KLK2: variants seen among roughly 807,000 people sequenced by gnomAD.
KLK2 encodes kallikrein related peptidase 2.
A neutral mutation model predicts 23.0 loss-of-function variants in KLK2; 17 were observed. The observed-to-expected ratio is 0.74, with a 90% CI of 0.51 to 1.11. KLK2 has a LOEUF of 1.11. Among genes scored for constraint, KLK2 ranks in the 50% least tolerant of loss-of-function variants. The pLI is 0.00. For missense variants in KLK2, 330 were observed against 325.9 expected (o/e 1.01, Z -0.10); for synonymous variants, 140 against 124.7 (o/e 1.12, Z -0.82).
At position 50,876,338 on chromosome 19, in the gene KLK2, A is replaced by AC. The variant is rs2090286448; in HGVS notation, c.207-133dup. On this transcript the variant is annotated intron_variant, in intron 2 of 4. Coordinates refer to ENST00000325321, the MANE Select transcript of KLK2 (RefSeq NM_005551.5). The stretch of plus-strand genomic sequence containing the variant: ...AACTCACTGTCTGTATTTCACCACG[A>AC]CTATATCTCCCCGACCCCTGTGCTT... 9.6e-6 allele frequency: 7 copies of AC among 730,538 alleles called. No individual in the cohort carries two copies. In the South Asian group the frequency reaches 1.3e-4, roughly 14 times the overall value. The allele number at this position is 730,538 out of a possible 1,614,324, so 45.3% of individuals were successfully genotyped here. A position where few individuals can be genotyped will look rare whatever the true frequency, so the allele number is the denominator to read the frequency against.
intron 2 of KLK2, chr19:50,875,084 C>T (rs750130165): frequency 2.7e-5 from 27 of 985,720 alleles, no homozygotes; most frequent in South Asian, 6.8e-5. Flanking sequence ...TGTCTGATCT[C>T]GCTGTGTCTC....
rs552033195 is a variant in KLK2, at chr19:50,879,603, G to T, written c.*1044G>T. On this transcript the variant is annotated 3_prime_UTR_variant, in exon 5 of 5. Coordinates refer to ENST00000325321, the MANE Select transcript of KLK2 (RefSeq NM_005551.5). ...GCTCACCTGATCCTTAGTGTCCAGG[G>T]TTTTTACTGGGGGTCTGTAGGACGA... 8.7e-6 allele frequency: 2 copies of T among 230,604 alleles called. No homozygotes were observed. The highest frequency in any genetic ancestry group is 3.6e-4 in the South Asian group (2 of 5,508). The allele number at this position is 230,604 out of a possible 1,614,324, so 14.3% of individuals were successfully genotyped here.
Position 50,874,837 on chromosome 19 carries a change from G to C in KLK2, c.163G>C (p.Val55Leu), listed in dbSNP as rs768545374. 10 of 1,613,660 alleles carry C rather than the reference G, an allele frequency of 6.2e-6. No homozygotes were observed. Among genetic ancestry groups the C allele is most frequent in the South Asian group, 1.1e-5 (1 of 90,962 alleles). Reference sequence around the variant, plus strand: ...ATGGGCACACTGTGGGGGTGTCCTGGTGCACCCCCAGTGGGTGCTCACAGC... The same window carrying C: ...ATGGGCACACTGTGGGGGTGTCCTGCTGCACCCCCAGTGGGTGCTCACAGC... ...HGWAHCGGVL[V>L]HPQWVLTAAH... Residue 55 changes from valine (V) to leucine (L), a missense_variant, in exon 2 of 5, where the codon GTG becomes CTG. By Grantham distance (32) the Val-to-Leu change is conservative. Transcript: ENST00000325321.
At chr19:50,875,206 C>T (rs1310090382) in intron 2 of KLK2, among the ~76,000 whole-genome samples, 2 of 152,148 alleles carry the variant, frequency 1.3e-5, no homozygotes, top group Non-Finnish European at 2.9e-5. Flanking sequence ...CTGGGTCTCT[C>T]TGTGGCCATC....
chr19:50,874,692 A>G, intron 1 of KLK2, 29 bp from the exon 2 acceptor site: 1 of 1,586,892 alleles, frequency 6.3e-7, no homozygotes, highest in Non-Finnish European at 8.6e-7. Flanking sequence ...TTTGGGTCTG[A>G]TCCCCCTGAC....
chr19:50,876,151 A>C, intron 2 of KLK2: 1 of 357,796 alleles, frequency 2.8e-6, no homozygotes, highest in Non-Finnish European at 5.1e-6. Flanking sequence ...CCTCTTCCCC[A>C]TGTCTATTTC....
chr19:50,875,013 G>A lies in KLK2; in HGVS notation c.206+133G>A, dbSNP rs184938826. ...GAGAGGGAAGGTCCTGGCCCAGGTC[G>A]CACCCGGAGGCAGAGCTGGGGCTGG... On this transcript the variant is annotated intron_variant, in intron 2 of 4. Transcript: ENST00000325321. 3.6e-4 allele frequency: 500 copies of A among 1,398,568 alleles called. 1 individual carries two copies. Among genetic ancestry groups the A allele is most frequent in the African/African-American group, 3.3e-3 (229 of 68,490 alleles). 86.6% of individuals were successfully genotyped at this position (1,398,568 alleles called of 1,614,324 possible). A position where few individuals can be genotyped will look rare whatever the true frequency, so the allele number is the denominator to read the frequency against.
chr19:50,876,404 T>G, intron 2 of KLK2, 68 bp from the exon 3 acceptor site: 1 of 1,431,374 alleles, frequency 7.0e-7, no homozygotes, highest in South Asian at 1.2e-5. Flanking sequence ...GTCTCCCTTA[T>G]CCTCCCCTGC....
Position 50,875,108 on chromosome 19 carries a change from C to T in KLK2, c.206+228C>T, listed in dbSNP as rs114524712. 2.1e-3 allele frequency: 1,522 copies of T among 714,554 alleles called. 12 individuals are homozygous for T. Among genetic ancestry groups the T allele is most frequent in the African/African-American group, 0.015 (832 of 54,984 alleles). The allele number at this position is 714,554 out of a possible 1,614,324, so 44.3% of individuals were successfully genotyped here. ...TCGCTGTGTCTCTTGGTATCTGGCT[C>T]TGGTTGTGTCTGTATGACTGTGTTT... On this transcript the variant is annotated intron_variant, in intron 2 of 4. Transcript: ENST00000325321.
At chr19:50,875,151 T>A in intron 2 of KLK2, 1 of 344,388 alleles carries the variant, frequency 2.9e-6, no homozygotes, top group South Asian at 7.3e-5. Context: ...TATGTCCCTC[T>A]CTCTTTTCTG....
Position 50,876,974 on chromosome 19 carries a change from C to T in KLK2, c.596C>T (p.Ala199Val). Residue 199 changes from alanine (A) to valine (V), a missense_variant, in exon 4 of 5, where the codon GCT becomes GTT. Ala to Val is a moderately conservative substitution (Grantham distance 64). Coordinates refer to ENST00000325321, the MANE Select transcript of KLK2 (RefSeq NM_005551.5). ...SEKVTEFMLCAGLWTGGKDTC... is the reference protein window; with the variant it reads ...SEKVTEFMLCVGLWTGGKDTC... ...AAGGTGACAGAGTTCATGTTGTGTGCTGGGCTCTGGACAGGTGGTAAAGAC... is the reference window on the plus strand; with the variant it reads ...AAGGTGACAGAGTTCATGTTGTGTGTTGGGCTCTGGACAGGTGGTAAAGAC... The T allele has an allele frequency of 6.2e-7, 1 of 1,614,144 alleles. No homozygotes were observed. Among genetic ancestry groups the T allele is most frequent in the African/African-American group, 1.3e-5 (1 of 75,054 alleles).
In KLK2 at chr19:50,875,046, T is replaced by C. The variant is rs544131094; in HGVS notation, c.206+166T>C. ...AGGCAGAGCTGGGGCTGGACCACTC[T>C]CCCCATGGCTGCCTGGGTTTCTCTC... is the stretch of plus-strand genomic sequence containing the variant. On this transcript the variant is annotated intron_variant, in intron 2 of 4. Coordinates refer to ENST00000325321, the MANE Select transcript of KLK2 (RefSeq NM_005551.5). 9 of 1,305,416 alleles carry C rather than the reference T, an allele frequency of 6.9e-6. No homozygotes were observed. The East Asian group carries it at 2.6e-4, about 37-fold the overall frequency. The allele number at this position is 1,305,416 out of a possible 1,614,324, so 80.9% of individuals were successfully genotyped here.
At chr19:50,876,440 TCTC>T in intron 2 of KLK2, 29 bp from the exon 3 acceptor site, 1 of 1,606,308 alleles carries the variant, frequency 6.2e-7, no homozygotes, top group Non-Finnish European at 8.5e-7. Flanking sequence ...CCATTTTCTC[TCTC>T]CTCATGCATC....
In KLK2 at chr19:50,880,275, G is replaced by A; in HGVS notation, c.*1716G>A. The A allele has an allele frequency of 4.3e-6, 1 of 230,124 alleles. No individual in the cohort carries two copies. The highest frequency in any genetic ancestry group is 8.6e-6 in the Non-Finnish European group (1 of 116,106). The allele number at this position is 230,124 out of a possible 1,614,324, so 14.3% of individuals were successfully genotyped here. Reference sequence around the variant, plus strand: ...CATGGGGGATGCGCTCGGGATTGGTGTGAAGAAGCAAGGACTGTTAGAGGC... The same window carrying A: ...CATGGGGGATGCGCTCGGGATTGGTATGAAGAAGCAAGGACTGTTAGAGGC... On this transcript the variant is annotated 3_prime_UTR_variant, in exon 5 of 5. Coordinates refer to ENST00000325321, the MANE Select transcript of KLK2 (RefSeq NM_005551.5).
At chr19:50,878,381 T>C (rs1390929375) in intron 4 of KLK2, 23 bp from the exon 5 acceptor site, 1 of 1,596,532 alleles carries the variant, frequency 6.3e-7, no homozygotes, top group South Asian at 1.1e-5. Flanking sequence ...TTTCTCACTG[T>C]GTCTCTCCTC....
At chr19:50,876,240 A>G in intron 2 of KLK2, 2 of 565,468 alleles carry the variant, frequency 3.5e-6, no homozygotes, top group East Asian at 2.9e-5. Flanking sequence ...CTGCCATTTT[A>G]TGCTCTCTCT....
intron 4 of KLK2, chr19:50,877,617 GGC>G (rs1393644709): frequency 1.3e-5 from 2 of 159,482 alleles, no homozygotes; most frequent in Non-Finnish European, 2.7e-5. Context: ...TCAGGGGCAG[GGC>G]GCGAGATGGC....
chr19:50,874,642 C>A, intron 1 of KLK2, 79 bp from the exon 2 acceptor site: 2 of 1,344,106 alleles, frequency 1.5e-6, no homozygotes, highest in South Asian at 1.4e-5. Context: ...CCCCATGTCT[C>A]TTCAAACCCA....
At position 50,876,866 on chromosome 19, in the gene KLK2, C is replaced by T; in HGVS notation, c.494-6C>T. Reference sequence around the variant, plus strand: ...GGCCACAGCCCAGTTTTTCTCTGACCCATAGTCTTGCGCCCCAGGAGTCTT... The same window carrying T: ...GGCCACAGCCCAGTTTTTCTCTGACTCATAGTCTTGCGCCCCAGGAGTCTT... On this transcript the variant is annotated splice_region_variant and splice_polypyrimidine_tract_variant and intron_variant, in intron 3 of 4. Transcript: ENST00000325321. 1 of 1,613,718 alleles carries T rather than the reference C, an allele frequency of 6.2e-7. No individual in the cohort carries two copies. The highest frequency in any genetic ancestry group is 2.2e-5 in the East Asian group (1 of 44,882).
Sources: gnomAD v4.1 joint callset for allele counts (sites outside exome capture counted in the v4.1 genomes callset) on GRCh38, gnomAD v4.1.1 for gene constraint, MANE v1.5 for transcripts, NCBI Gene and HGNC (gene_info 2026-07-23, HGNC 2026-07-21) for gene names.